PTPRD: variants seen among roughly 807,000 people sequenced by gnomAD.
PTPRD encodes the protein receptor-type tyrosine-protein phosphatase delta.
In PTPRD, 34 loss-of-function variants were observed where a neutral mutation model predicts 214.5. The ratio of observed to expected loss-of-function variants is 0.16; its 90% CI spans 0.12 to 0.21. The LOEUF (loss-of-function observed/expected upper bound fraction) is 0.21. PTPRD is among the 10% of genes least tolerant of loss of function. PTPRD has a pLI of 1.00. For synonymous variants in PTPRD, 1,128 were observed against 845.7 expected, an observed-to-expected ratio of 1.33 and a Z score of -5.79; for missense variants, 2,545 against 2,398.7, an observed-to-expected ratio of 1.06 and a Z score of -1.27.
At chr9:8,524,856 G>A in intron 18 of PTPRD, 69 bp downstream of exon 18, 1 of 1,260,918 alleles carries the variant, frequency 7.9e-7, no homozygotes, top group Non-Finnish European at 1.2e-6. Flanking sequence ...TAACAACACG[G>A]ACCCTGCGGC....
At chr9:9,347,303 T>C (rs918283022) in intron 9 of PTPRD, among the ~76,000 whole-genome samples, 4 of 150,444 alleles carry the variant, frequency 2.7e-5, no homozygotes, top group Non-Finnish European at 5.9e-5. Context: ...GAGGACTCTC[T>C]CTATGTGTAT....
At chr9:10,054,418 G>A (rs2097584987) in intron 3 of PTPRD, among the ~76,000 whole-genome samples, 1 of 152,110 alleles carries the variant, frequency 6.6e-6, no homozygotes, top group Non-Finnish European at 1.5e-5. Context: ...GAACCAAGAT[G>A]CCCTTAAAGT....
chr9:8,896,047 A>G (rs548534599), intron 11 of PTPRD, among the ~76,000 whole-genome samples: 2 of 152,270 alleles, frequency 1.3e-5, no homozygotes, highest in Non-Finnish European at 2.9e-5. Flanking sequence ...GTGGAATTTC[A>G]TTTCCTATCT....
intron 9 of PTPRD, among the ~76,000 whole-genome samples, chr9:9,348,608 G>T (rs549390202): frequency 1.3e-5 from 2 of 152,094 alleles, no homozygotes; most frequent in South Asian, 2.1e-4. Context: ...ACTGTGTAAT[G>T]GGACGTTGGG....
intron 9 of PTPRD, among the ~76,000 whole-genome samples, chr9:9,274,763 A>T (rs1298477757): frequency 6.6e-6 from 1 of 150,966 alleles, no homozygotes; most frequent in South Asian, 2.1e-4. Flanking sequence ...GACACACAGA[A>T]TTCAAATTTT....
chr9:8,387,900 A>G (rs1445837268), intron 37 of PTPRD, among the ~76,000 whole-genome samples: 6 of 152,212 alleles, frequency 3.9e-5, no homozygotes, highest in Admixed American at 3.9e-4. Context: ...TGCTTGATAT[A>G]TAGGAGTTAC....
intron 7 of PTPRD, among the ~76,000 whole-genome samples, chr9:9,612,911 T>G (rs2094592503): frequency 6.6e-6 from 1 of 151,846 alleles, no homozygotes; most frequent in African/African-American, 2.4e-5. Context: ...TGAGATATTT[T>G]CTAGGGTATT....
chr9:8,763,408 G>T (rs530717175), intron 11 of PTPRD, among the ~76,000 whole-genome samples: 1 of 151,972 alleles, frequency 6.6e-6, no homozygotes, highest in Admixed American at 6.6e-5. Flanking sequence ...TAGCTACTTG[G>T]GAGGCTGAGG....
At chr9:8,643,258 A>G (rs973280462) in intron 12 of PTPRD, among the ~76,000 whole-genome samples, 1 of 152,130 alleles carries the variant, frequency 6.6e-6, no homozygotes, top group Non-Finnish European at 1.5e-5. Context: ...TATCTTATAT[A>G]CGGTGTTTTC....
intron 2 of PTPRD, among the ~76,000 whole-genome samples, chr9:10,484,252 C>T (rs954269620): frequency 6.6e-6 from 1 of 151,986 alleles, no homozygotes; most frequent in Non-Finnish European, 1.5e-5. Context: ...TATGGGTACA[C>T]GAGGTCAGAC....
intron 14 of PTPRD, among the ~76,000 whole-genome samples, 195 bp downstream of exon 14, chr9:8,633,122 C>G (rs1416787345): frequency 1.3e-5 from 2 of 151,846 alleles, no homozygotes; most frequent in African/African-American, 4.8e-5. Context: ...TCTGATATTC[C>G]CCCTGAACTC....
At chr9:9,900,752 T>G (rs1039072596) in intron 5 of PTPRD, among the ~76,000 whole-genome samples, 1 of 151,780 alleles carries the variant, frequency 6.6e-6, no homozygotes, top group Admixed American at 6.6e-5. Flanking sequence ...TTCTCCTGCC[T>G]CAGCCTCCCG....
chr9:10,069,631 C>T (rs554139392), intron 3 of PTPRD, among the ~76,000 whole-genome samples: 12 of 152,056 alleles, frequency 7.9e-5, no homozygotes, highest in African/African-American at 2.9e-4. Flanking sequence ...ACATAATTAG[C>T]CACTGAGACT....
At chr9:8,808,761 A>G (rs1375757118) in intron 11 of PTPRD, among the ~76,000 whole-genome samples, 3 of 152,168 alleles carry the variant, frequency 2.0e-5, no homozygotes, top group Non-Finnish European at 4.4e-5. Flanking sequence ...CACTAGATTT[A>G]AATGGGATGT....
intron 8 of PTPRD, among the ~76,000 whole-genome samples, chr9:9,517,388 A>G (rs2096864085): frequency 6.6e-6 from 1 of 152,154 alleles, no homozygotes; most frequent in Non-Finnish European, 1.5e-5. Flanking sequence ...AGGTAATGTG[A>G]CATAGATATA....
chr9:9,661,436 C>T (rs1028705922), intron 7 of PTPRD, among the ~76,000 whole-genome samples: 5 of 151,820 alleles, frequency 3.3e-5, no homozygotes, highest in Admixed American at 3.3e-4. Flanking sequence ...GAAGCATCTT[C>T]ATGTTGCTGC....
chr9:10,290,859 G>A (rs2095506413), intron 3 of PTPRD, among the ~76,000 whole-genome samples: 2 of 152,014 alleles, frequency 1.3e-5, no homozygotes, highest in African/African-American at 2.4e-5. Context: ...AACAAAGGAA[G>A]TACACATGCA....
At chr9:8,855,024 T>C (rs983494120) in intron 11 of PTPRD, among the ~76,000 whole-genome samples, 1 of 152,078 alleles carries the variant, frequency 6.6e-6, no homozygotes, top group Non-Finnish European at 1.5e-5. Context: ...AAGCCCTAAA[T>C]AAAATTCTTG....
At chr9:9,108,510 C>T (rs1270256184) in intron 10 of PTPRD, among the ~76,000 whole-genome samples, 1 of 152,128 alleles carries the variant, frequency 6.6e-6, no homozygotes, top group Non-Finnish European at 1.5e-5. Context: ...TTGAGGGACT[C>T]TCCAGGTTGA....
Sources: allele counts gnomAD v4.1 joint callset (sites outside exome capture counted in the v4.1 genomes callset), GRCh38; gene constraint gnomAD v4.1.1; transcripts MANE v1.5; gene names NCBI Gene and HGNC (gene_info 2026-07-23, HGNC 2026-07-21).